The following COL4A2 variants were observed in gnomAD, a reference collection of about 807,000 sequenced individuals.
COL4A2 encodes collagen type IV alpha 2 chain.
Under a neutral mutation model 200.2 loss-of-function variants are expected in COL4A2, and 99 were observed. The ratio of observed to expected loss-of-function variants is 0.49; its 90% CI spans 0.42 to 0.58. COL4A2 has a LOEUF of 0.58. Ranked by LOEUF, COL4A2 falls within the 20% of genes least tolerant of loss-of-function variation. COL4A2 has a pLI of 0.00. For synonymous variants in COL4A2, 897 were observed against 900.6 expected (o/e 1.00, Z 0.07); for missense variants, 1,950 against 2,314.1 (o/e 0.84, Z 3.23).
chr13:110,402,004 A>G (rs1476339554), intron 4 of COL4A2, among the ~76,000 whole-genome samples: 1 of 152,144 alleles, frequency 6.6e-6, no homozygotes, highest in African/African-American at 2.4e-5. Context: ...CAGATTGGGG[A>G]TTAGATTTCA....
intron 4 of COL4A2, among the ~76,000 whole-genome samples, chr13:110,385,617 GC>G (rs1345547226): frequency 6.7e-6 from 1 of 149,138 alleles, no homozygotes; most frequent in Non-Finnish European, 1.5e-5. Flanking sequence ...ATAGGCCGTG[GC>G]TACAGTGTGT....
chr13:110,404,147 C>T (rs1284058789), intron 4 of COL4A2, among the ~76,000 whole-genome samples: 3 of 152,334 alleles, frequency 2.0e-5, no homozygotes, highest in African/African-American at 4.8e-5. Context: ...CACAGACATT[C>T]AGACCATAAC....
intron 3 of COL4A2, among the ~76,000 whole-genome samples, chr13:110,335,252 T>C (rs1185279561): frequency 6.6e-6 from 1 of 152,156 alleles, no homozygotes; most frequent in Non-Finnish European, 1.5e-5. Context: ...GCTTCAGCCA[T>C]GGCTCCTGCT....
intron 28 of COL4A2, among the ~76,000 whole-genome samples, chr13:110,472,251 G>A (rs1442729949): frequency 6.6e-6 from 1 of 151,986 alleles, no homozygotes; most frequent in Non-Finnish European, 1.5e-5. Flanking sequence ...GAGTAGCTGG[G>A]ACTACAGGCA....
chr13:110,380,363 G>A (rs1170631706), intron 4 of COL4A2, among the ~76,000 whole-genome samples: 1 of 152,194 alleles, frequency 6.6e-6, no homozygotes, highest in East Asian at 1.9e-4. Flanking sequence ...ATTTTCACAA[G>A]AGGAACTTTT....
chr13:110,329,892 G>C (rs1472947813), intron 3 of COL4A2, among the ~76,000 whole-genome samples: 2 of 152,204 alleles, frequency 1.3e-5, no homozygotes. Context: ...CATAATTCCA[G>C]AGGGTGAAGG....
intron 4 of COL4A2, among the ~76,000 whole-genome samples, chr13:110,409,431 C>T (rs1424160783): frequency 2.0e-5 from 3 of 152,248 alleles, no homozygotes; most frequent in Non-Finnish European, 4.4e-5. Flanking sequence ...CCTAATGAAC[C>T]GCGTGCATCT....
At chr13:110,349,021 A>AT (rs1007715392) in intron 3 of COL4A2, among the ~76,000 whole-genome samples, 1 of 152,004 alleles carries the variant, frequency 6.6e-6, no homozygotes. Flanking sequence ...AATGACCAGC[A>AT]TTTTTTTTCA....
intron 4 of COL4A2, among the ~76,000 whole-genome samples, chr13:110,413,377 G>C (rs190667998): frequency 6.6e-6 from 1 of 152,210 alleles, no homozygotes; most frequent in Non-Finnish European, 1.5e-5. Flanking sequence ...CACGTGAAAT[G>C]TGGGTACAGA....
chr13:110,479,505 G>A (rs74950638), intron 30 of COL4A2, among the ~76,000 whole-genome samples: 1,158 of 16,436 alleles, frequency 0.07, 13 homozygotes, highest in African/African-American at 0.14. Context: ...TCCCCAAACC[G>A]GCTGGGGAAG....
chr13:110,372,383 A>T (rs1435138008), intron 4 of COL4A2, among the ~76,000 whole-genome samples: 1 of 152,232 alleles, frequency 6.6e-6, no homozygotes, highest in Non-Finnish European at 1.5e-5. Context: ...GCTATTTCAG[A>T]ACCTCGTAAG....
chr13:110,465,956 T>C (rs757582674), intron 25 of COL4A2, 47 bp from the exon 26 acceptor site: 1 of 1,601,980 alleles, frequency 6.2e-7, no homozygotes, highest in South Asian at 1.1e-5. Context: ...CAGTAACTCT[T>C]ATCTGTTTCA....
rs1377705882 is a variant in COL4A2, at chr13:110,473,063, C to A, written c.2338C>A (p.Gln780Lys). The change falls in exon 29 of 48, where the codon CAG (glutamine) becomes AAG (lysine). Residue 780 changes from glutamine (Q) to lysine (K), a missense_variant. Transcript: ENST00000360467. ...CCTCCCTGGAGAAGTCCTGGGAGCT[C>A]AGCCCGGGCCACGGGGAGATGCTGG... ...RGLPGEVLGA[Q>K]PGPRGDAGVP... is the part of the protein sequence containing the mutation. 1 of 1,530,960 alleles carries A rather than the reference C, an allele frequency of 6.5e-7. No homozygotes were observed. Among genetic ancestry groups the A allele is most frequent in the Non-Finnish European group, 8.8e-7 (1 of 1,139,016 alleles). 94.8% of individuals were successfully genotyped at this position (1,530,960 alleles called of 1,614,324 possible). A position where few individuals can be genotyped will look rare whatever the true frequency, so the allele number is the denominator to read the frequency against.
intron 3 of COL4A2, among the ~76,000 whole-genome samples, chr13:110,348,494 C>T (rs754579808): frequency 5.9e-5 from 9 of 152,312 alleles, no homozygotes; most frequent in African/African-American, 1.9e-4. Flanking sequence ...GCTGCATGTG[C>T]GGAAATGGCT....
Position 110,469,261 on chromosome 13 carries a change from G to A in COL4A2, c.2140G>A (p.Gly714Arg), listed in dbSNP as rs1178051998. 13 of 1,604,142 alleles carry A rather than the reference G, an allele frequency of 8.1e-6. No homozygotes were observed. The change falls in exon 28 of 48, where the codon GGA becomes AGA. Residue 714 changes from glycine (G) to arginine (R), a missense_variant. Coordinates refer to ENST00000360467, the MANE Select transcript of COL4A2 (RefSeq NM_001846.4). The stretch of plus-strand genomic sequence containing the variant: ...AATCCCAGGCTTCGCAGGAGCTGAT[G>A]GAGGACCAGGGCCCAGGGGCTTGCC... ...RGIPGFAGAD[G>R]GPGPRGLPGD...
At chr13:110,487,774 G>T (rs1306981638) in intron 34 of COL4A2, among the ~76,000 whole-genome samples, 1 of 152,218 alleles carries the variant, frequency 6.6e-6, no homozygotes, top group Non-Finnish European at 1.5e-5. Flanking sequence ...GAACTGACAA[G>T]GCTGTTAGAT....
At chr13:110,308,267 A>C in intron 3 of COL4A2, 144 bp downstream of exon 3, 1 of 892,592 alleles carries the variant, frequency 1.1e-6, no homozygotes, top group Non-Finnish European at 1.7e-6. Context: ...CAAGGTTCTG[A>C]GAAAGCTTGC....
intron 34 of COL4A2, among the ~76,000 whole-genome samples, chr13:110,488,617 C>G (rs1025089393): frequency 2.6e-5 from 4 of 152,248 alleles, no homozygotes; most frequent in Admixed American, 2.0e-4. Flanking sequence ...GCTCTGCAGT[C>G]TGGCTGCCCA....
chr13:110,472,788 A>G (rs1442605163), intron 28 of COL4A2, 141 bp from the exon 29 acceptor site: 2 of 688,174 alleles, frequency 2.9e-6, no homozygotes, highest in Non-Finnish European at 2.5e-6. Flanking sequence ...AAAGGGCGAC[A>G]GGGACAAGGG....
Sources: gnomAD v4.1 joint callset for allele counts (sites outside exome capture counted in the v4.1 genomes callset) on GRCh38, gnomAD v4.1.1 for gene constraint, MANE v1.5 for transcripts, NCBI Gene and HGNC (gene_info 2026-07-23, HGNC 2026-07-21) for gene names.